Variants in NOS1AP observed in about 807,000 individuals in gnomAD.
NOS1AP encodes the protein carboxyl-terminal PDZ ligand of neuronal nitric oxide synthase protein.
Under a neutral mutation model 56.2 loss-of-function variants are expected in NOS1AP, and 21 were observed. That is an observed-to-expected ratio of 0.37 (90% CI 0.26 to 0.54). The LOEUF (loss-of-function observed/expected upper bound fraction) is 0.54. Ranked by LOEUF, NOS1AP falls within the 20% of genes least tolerant of loss-of-function variation. The pLI is 0.84. For missense variants in NOS1AP, 522 were observed against 657.8 expected (o/e 0.79, Z 2.26); for synonymous variants, 270 against 274.6 (o/e 0.98, Z 0.17).
intron 4 of NOS1AP, among the ~76,000 whole-genome samples, chr1:162,332,315 C>G (rs75138167): frequency 0.012 from 1,829 of 152,284 alleles, 33 homozygotes; most frequent in African/African-American, 0.042. Context: ...TGCTCCATCC[C>G]TTAGTCTGCC....
intron 1 of NOS1AP, among the ~76,000 whole-genome samples, chr1:162,083,649 C>T (rs1299594730): frequency 1.3e-5 from 2 of 152,166 alleles, no homozygotes; most frequent in African/African-American, 2.4e-5. Context: ...TTTACCTTTC[C>T]TCAAAGTCAC....
At chr1:162,244,241 G>A (rs1333386854) in intron 2 of NOS1AP, among the ~76,000 whole-genome samples, 1 of 152,102 alleles carries the variant, frequency 6.6e-6, no homozygotes, top group Non-Finnish European at 1.5e-5. Context: ...CAGGTGCTGG[G>A]AACCTGTCTC....
chr1:162,266,294 T>C (rs765076817), intron 2 of NOS1AP, among the ~76,000 whole-genome samples: 1 of 152,220 alleles, frequency 6.6e-6, no homozygotes, highest in African/African-American at 2.4e-5. Flanking sequence ...CCTCAAGGAT[T>C]TCCATCTCAT....
intron 6 of NOS1AP, among the ~76,000 whole-genome samples, chr1:162,344,778 TA>T (rs879302869): frequency 3.1e-4 from 46 of 150,182 alleles, no homozygotes; most frequent in South Asian, 4.2e-4. Flanking sequence ...AAAGAGCAGA[TA>T]AAAAAAATAT....
At chr1:162,256,853 C>A (rs567758349) in intron 2 of NOS1AP, among the ~76,000 whole-genome samples, 1 of 152,264 alleles carries the variant, frequency 6.6e-6, no homozygotes, top group African/African-American at 2.4e-5. Context: ...AACCAGATCC[C>A]AGAGTTGCTT....
intron 2 of NOS1AP, among the ~76,000 whole-genome samples, chr1:162,202,292 A>G (rs967336775): frequency 6.6e-6 from 1 of 152,218 alleles, no homozygotes; most frequent in Non-Finnish European, 1.5e-5. Context: ...TAATTTTTTT[A>G]AAAAATCAGT....
At chr1:162,161,694 G>A (rs1650229102) in intron 2 of NOS1AP, among the ~76,000 whole-genome samples, 1 of 152,092 alleles carries the variant, frequency 6.6e-6, no homozygotes, top group Non-Finnish European at 1.5e-5. Flanking sequence ...CCAGGTTCAG[G>A]TGGCCCTCCT....
intron 2 of NOS1AP, among the ~76,000 whole-genome samples, chr1:162,195,467 G>A (rs1651774691): frequency 6.6e-6 from 1 of 152,122 alleles, no homozygotes; most frequent in Admixed American, 6.5e-5. Context: ...CATGGTACCT[G>A]GCACATATGA....
At chr1:162,140,600 A>G (rs1439620217) in intron 1 of NOS1AP, among the ~76,000 whole-genome samples, 1 of 152,220 alleles carries the variant, frequency 6.6e-6, no homozygotes, top group Non-Finnish European at 1.5e-5. Context: ...TAATGCTGCA[A>G]TGAACATATC....
At chr1:162,074,491 A>G (rs1242780915) in intron 1 of NOS1AP, among the ~76,000 whole-genome samples, 3 of 152,198 alleles carry the variant, frequency 2.0e-5, no homozygotes. Context: ...CCATCATTGT[A>G]CAGATGAGGA....
chr1:162,167,382 T>TTTCC (rs1312991942), intron 2 of NOS1AP, among the ~76,000 whole-genome samples: 1 of 152,230 alleles, frequency 6.6e-6, no homozygotes, highest in Non-Finnish European at 1.5e-5. Flanking sequence ...TTCATGATCT[T>TTTCC]TTCCTTTTTA....
At chr1:162,206,190 G>A (rs943338346) in intron 2 of NOS1AP, among the ~76,000 whole-genome samples, 1 of 152,146 alleles carries the variant, frequency 6.6e-6, no homozygotes, top group African/African-American at 2.4e-5. Context: ...TAGCATAAAG[G>A]GATTTTTACT....
intron 4 of NOS1AP, among the ~76,000 whole-genome samples, chr1:162,308,968 G>C (rs7539303): frequency 0.073 from 11,057 of 152,258 alleles, 458 homozygotes; most frequent in Middle Eastern, 0.13. Context: ...TTAGAGAGCT[G>C]TCTGGCACTC....
At chr1:162,180,645 G>C (rs149197135) in intron 2 of NOS1AP, among the ~76,000 whole-genome samples, 1 of 152,156 alleles carries the variant, frequency 6.6e-6, no homozygotes, top group Non-Finnish European at 1.5e-5. Context: ...CTCTTGGAGC[G>C]GAGCATGGCC....
chr1:162,302,784 C>A (rs1012941755), intron 4 of NOS1AP, among the ~76,000 whole-genome samples: 8 of 152,062 alleles, frequency 5.3e-5, no homozygotes, highest in African/African-American at 1.9e-4. Flanking sequence ...CTTTTTGTAA[C>A]CCTTCTCTCC....
intron 5 of NOS1AP, among the ~76,000 whole-genome samples, chr1:162,338,044 C>A (rs1040162728): frequency 6.6e-6 from 1 of 152,114 alleles, no homozygotes; most frequent in Non-Finnish European, 1.5e-5. Flanking sequence ...CAAAAAAATA[C>A]ATTAAAGAAA....
chr1:162,168,592 C>T (rs994012560), intron 2 of NOS1AP, among the ~76,000 whole-genome samples: 11 of 151,940 alleles, frequency 7.2e-5, no homozygotes, highest in African/African-American at 2.7e-4. Flanking sequence ...GAAATCCACG[C>T]GCAATTGATG....
chr1:162,150,378 T>G (rs927481654), intron 1 of NOS1AP, among the ~76,000 whole-genome samples: 9 of 152,236 alleles, frequency 5.9e-5, no homozygotes, highest in African/African-American at 1.9e-4. Flanking sequence ...TGAGGGACAC[T>G]TAGGCTGCTT....
At chr1:162,149,329 C>G (rs1421413408) in intron 1 of NOS1AP, among the ~76,000 whole-genome samples, 1 of 137,024 alleles carries the variant, frequency 7.3e-6, no homozygotes, top group Non-Finnish European at 1.5e-5. Context: ...CTGAGCTAAC[C>G]TTCCAGTCAA....
Sources: allele counts gnomAD v4.1 joint callset (sites outside exome capture counted in the v4.1 genomes callset), GRCh38; gene constraint gnomAD v4.1.1; transcripts MANE v1.5; gene names NCBI Gene and HGNC (gene_info 2026-07-23, HGNC 2026-07-21).